PP2D1: variants seen among roughly 807,000 people sequenced by gnomAD.
The protein encoded by PP2D1 is protein phosphatase 2C-like domain-containing protein 1.
In PP2D1, 25 loss-of-function variants were observed where a neutral mutation model predicts 30.2. That is an observed-to-expected ratio of 0.83 (90% CI 0.60 to 1.16). The LOEUF (loss-of-function observed/expected upper bound fraction) is 1.16, where lower values mean the gene tolerates loss of function less well. Among genes scored for constraint, PP2D1 ranks in the 50% most tolerant of loss-of-function variants. The pLI is 0.00. For missense variants in PP2D1, 760 were observed against 742.4 expected (o/e 1.02, Z -0.28); for synonymous variants, 260 against 258.9 (o/e 1.00, Z -0.04).
chr3:19,986,075 C>A lies in PP2D1; in HGVS notation c.1198G>T (p.Val400Phe). 6.5e-7 allele frequency: 1 copy of A among 1,536,042 alleles called. No individual in the cohort carries two copies. The highest frequency in any genetic ancestry group is 8.7e-7 in the Non-Finnish European group (1 of 1,146,840). Residue 400 changes from valine (V) to phenylalanine (F), a missense_variant, in exon 3 of 3, where the codon GTC (valine) becomes TTC (phenylalanine). By Grantham distance (50) the Val-to-Phe change is conservative. Around this residue, in one of 3 missense-constraint regions of PP2D1, gnomAD observed 369 missense variants for 316.2 expected, o/e 1.17. Transcript: ENST00000389050. ...ERRRILQNGA[V>F]ISSNEPYGLV... is the part of the protein sequence containing the mutation. The stretch of plus-strand genomic sequence containing the variant: ...CCGTATGGTTCATTTGAACTAATGA[C>A]TGCTCCATTCTGAAGTATTCTTCTT...
chr3:20,000,507 GA>G (rs1030700829), intron 2 of PP2D1, among the ~76,000 whole-genome samples: 3 of 152,124 alleles, frequency 2.0e-5, no homozygotes, highest in African/African-American at 7.2e-5. Context: ...ACTTCTTAAA[GA>G]AGAGAATACA....
At chr3:19,989,812 T>G (rs563906231) in intron 2 of PP2D1, among the ~76,000 whole-genome samples, 44 of 152,368 alleles carry the variant, frequency 2.9e-4, no homozygotes, top group African/African-American at 1.1e-3. Flanking sequence ...CTATTGACTT[T>G]GTAAATGTTC....
At chr3:19,988,776 C>T (rs1261339837) in intron 2 of PP2D1, among the ~76,000 whole-genome samples, 1 of 151,998 alleles carries the variant, frequency 6.6e-6, no homozygotes, top group Non-Finnish European at 1.5e-5. Context: ...TTTCTGAGAC[C>T]GACGGACACT....
intron 1 of PP2D1, among the ~76,000 whole-genome samples, chr3:20,006,296 A>G (rs1697317914): frequency 6.6e-6 from 1 of 152,124 alleles, no homozygotes; most frequent in African/African-American, 2.4e-5. Context: ...GCAAGTAGGG[A>G]CCCATTTTGC....
At position 20,001,259 on chromosome 3, in the gene PP2D1, T is replaced by C. The variant is rs1191284551; in HGVS notation, c.861A>G (p.Ala287=). ...CEYEDTHKAF[A]KAFWRMDRLL... The stretch of plus-strand genomic sequence containing the variant: ...GCCTATCCATTCTCCAAAATGCTTT[T>C]GCAAAGGCTTTGTGTGTGTCCTCAT... Residue 287 remains alanine, a synonymous_variant, in exon 2 of 3, where the codon GCA becomes GCG. Transcript: ENST00000389050. The C allele has an allele frequency of 5.2e-6, 8 of 1,536,032 alleles. No homozygotes were observed. Among genetic ancestry groups the C allele is most frequent in the Admixed American group, 2.0e-5 (1 of 50,958 alleles).
chr3:20,000,795 G>A (rs1455056115), intron 2 of PP2D1, among the ~76,000 whole-genome samples: 1 of 152,096 alleles, frequency 6.6e-6, no homozygotes, highest in Non-Finnish European at 1.5e-5. Flanking sequence ...AAACTTTAAC[G>A]TATTTGTCAC....
At chr3:19,985,097 C>A, downstream of PP2D1, 1 of 303,420 alleles carries the variant, frequency 3.3e-6, no homozygotes, top group South Asian at 6.5e-5. Context: ...TATGATAATG[C>A]AGAATTAGGA....
intron 1 of PP2D1, among the ~76,000 whole-genome samples, chr3:20,010,364 G>A (rs1051676189): frequency 4.6e-5 from 7 of 152,168 alleles, no homozygotes; most frequent in South Asian, 2.1e-4. Context: ...CCAAAGTGCC[G>A]ATTTACAGGT....
At chr3:19,994,406 G>C (rs903177757) in intron 2 of PP2D1, among the ~76,000 whole-genome samples, 3 of 152,136 alleles carry the variant, frequency 2.0e-5, no homozygotes, top group Admixed American at 2.0e-4. Flanking sequence ...CCAAATGGGA[G>C]GATCACTTGA....
rs1371420778 is a variant in PP2D1, at chr3:19,998,594, T to TA, written c.1090+2435dup. ...AATATTTATAATTATTATGTATCAA[T>TA]AAAATAGATAAACATTTTTAAAAAG... is the stretch of plus-strand genomic sequence containing the variant. On this transcript the variant is annotated intron_variant, in intron 2 of 2. Coordinates refer to ENST00000389050, the MANE Select transcript of PP2D1 (RefSeq NM_001252657.2). 6.6e-5 allele frequency among the ~76,000 whole-genome samples: 10 copies of TA among 152,292 alleles called. No individual in the cohort carries two copies. The East Asian group carries it at 1.9e-3, about 29-fold the overall frequency.
rs186148467 is a variant in PP2D1 at position 19,986,044 on chromosome 3, A to G, written c.1229T>C (p.Val410Ala). The G allele has an allele frequency of 1.6e-3, 2,404 of 1,536,096 alleles. 4 individuals carry two copies. Among genetic ancestry groups the G allele is most frequent in the Non-Finnish European group, 1.9e-3 (2,171 of 1,146,864 alleles). Reference sequence around the variant, plus strand: ...TCGTGTAGTTTTTACTTGCCCCTCTACAAGCCCGTATGGTTCATTTGAACT... The same window carrying G: ...TCGTGTAGTTTTTACTTGCCCCTCTGCAAGCCCGTATGGTTCATTTGAACT... ...VISSNEPYGL[V>A]EGQVKTTRGL... is the part of the protein sequence containing the mutation. Residue 410 changes from valine to alanine, a missense_variant, in exon 3 of 3, where the codon GTA (valine) becomes GCA (alanine). Val to Ala is a moderately conservative substitution (Grantham distance 64). This residue lies in a region of PP2D1 where 369 missense variants were observed against 316.2 expected (regional missense o/e 1.17). Coordinates refer to ENST00000389050, the MANE Select transcript of PP2D1 (RefSeq NM_001252657.2).
At chr3:19,993,574 TAAAAC>T (rs552929197) in intron 2 of PP2D1, among the ~76,000 whole-genome samples, 183 of 152,128 alleles carry the variant, frequency 1.2e-3, no homozygotes, top group African/African-American at 4.1e-3. Context: ...CGTCTTTACA[TAAAAC>T]AAAATTAGCT....
At chr3:20,005,297 C>A (rs988575579) in intron 1 of PP2D1, among the ~76,000 whole-genome samples, 3 of 151,942 alleles carry the variant, frequency 2.0e-5, no homozygotes, top group Non-Finnish European at 4.4e-5. Flanking sequence ...GGATTACAGG[C>A]ATGCACCACC....
chr3:19,987,816 A>G (rs1463613557), intron 2 of PP2D1, among the ~76,000 whole-genome samples: 2 of 152,242 alleles, frequency 1.3e-5, no homozygotes, highest in Non-Finnish European at 2.9e-5. Flanking sequence ...GGACTGGCTG[A>G]AGCCATGGCA....
chr3:20,011,142 A>G (rs1263444975), intron 1 of PP2D1, among the ~76,000 whole-genome samples: 2 of 152,260 alleles, frequency 1.3e-5, no homozygotes, highest in African/African-American at 4.8e-5. Context: ...TATCCAAGAG[A>G]ATGATCAGTT....
intron 1 of PP2D1, among the ~76,000 whole-genome samples, chr3:20,003,384 GTT>G (rs199594095): frequency 2.1e-5 from 3 of 142,324 alleles, no homozygotes; most frequent in Admixed American, 7.1e-5. Context: ...TTTTAGTTTT[GTT>G]TTTTTTTTTA....
chr3:19,990,080 C>CTCCT (rs1386090650), intron 2 of PP2D1, among the ~76,000 whole-genome samples: 3 of 151,876 alleles, frequency 2.0e-5, no homozygotes, highest in Non-Finnish European at 4.4e-5. Flanking sequence ...CCTTTGGATT[C>CTCCT]AGCACAATAA....
At chr3:19,984,797 C>G (rs1456517286), downstream of PP2D1, 1 of 153,170 alleles carries the variant, frequency 6.5e-6, no homozygotes, top group East Asian at 1.9e-4. Flanking sequence ...ACAAAATGTA[C>G]TGTTACTAAA....
At chr3:19,982,551 T>G (rs770187787), downstream of PP2D1, among the ~76,000 whole-genome samples, 1 of 152,264 alleles carries the variant, frequency 6.6e-6, no homozygotes, top group Non-Finnish European at 1.5e-5. Context: ...TGTAAGTTTC[T>G]CTTTTAAAAA....
Sources: gnomAD v4.1 joint callset for allele counts (sites outside exome capture counted in the v4.1 genomes callset) on GRCh38, gnomAD v4.1.1 for gene constraint, gnomAD v4.1.1 regional missense constraint, MANE v1.5 for transcripts, NCBI Gene and HGNC (gene_info 2026-07-23, HGNC 2026-07-21) for gene names.